FKTN: variants seen among roughly 807,000 people sequenced by gnomAD.
FKTN encodes ribitol-5-phosphate transferase FKTN.
FKTN carries 47 observed loss-of-function variants against 58.6 expected under a neutral mutation model. That is an observed-to-expected ratio of 0.80 (90% confidence interval 0.63 to 1.02). The LOEUF (loss-of-function observed/expected upper bound fraction) is 1.02. Ranked by LOEUF, FKTN falls within the 50% of genes least tolerant of loss-of-function variation. The pLI is 0.00. For missense variants in FKTN, 516 were observed against 537.3 expected, an observed-to-expected ratio of 0.96 and a Z score of 0.39; for synonymous variants, 178 against 191.9, an observed-to-expected ratio of 0.93 and a Z score of 0.60.
At chr9:105,586,180 A>G (rs1052348961) in intron 3 of FKTN, among the ~76,000 whole-genome samples, 4 of 152,220 alleles carry the variant, frequency 2.6e-5, no homozygotes, top group African/African-American at 9.6e-5. Flanking sequence ...GATCCTCCAA[A>G]TGGGATCTGA....
At chr9:105,579,683 C>T (rs1277580420) in intron 3 of FKTN, among the ~76,000 whole-genome samples, 47 of 143,724 alleles carry the variant, frequency 3.3e-4, no homozygotes, top group South Asian at 1.9e-3. Context: ...CTATTAGGTC[C>T]GCTTGGTGCA....
In FKTN at chr9:105,618,026, T is replaced by C. The variant is rs1018122957; in HGVS notation, c.978T>C (p.Asp326=). 1.9e-6 allele frequency: 3 copies of C among 1,603,490 alleles called. 1 individual carries two copies. The highest frequency in any genetic ancestry group is 1.7e-5 in the Admixed American group (1 of 59,998). Residue 326 remains aspartate, a synonymous_variant, in exon 9 of 11, where the codon GAT becomes GAC. Coordinates refer to ENST00000357998, the MANE Select transcript of FKTN (RefSeq NM_001079802.2). The part of the protein sequence containing the change: ...KDVDLGIFIQ[D]YKSDIILAFQ... ...TTGACCTAGGAATTTTTATACAAGATTACAAATCTGATATTATTTTAGCAT... is the reference window on the plus strand; with the variant it reads ...TTGACCTAGGAATTTTTATACAAGACTACAAATCTGATATTATTTTAGCAT...
chr9:105,624,537 G>A (rs372460994), intron 10 of FKTN: 1 of 151,094 alleles, frequency 6.6e-6, no homozygotes, highest in Admixed American at 6.6e-5. Context: ...AGGCTGAGAC[G>A]GTAGGATCAC....
intron 5 of FKTN, 136 bp downstream of exon 5, chr9:105,601,484 A>G: frequency 1.5e-6 from 1 of 652,552 alleles, no homozygotes; most frequent in Non-Finnish European, 2.7e-6. Flanking sequence ...ATTTTCAGCT[A>G]TAAATAACAA....
At position 105,635,348 on chromosome 9, in the gene FKTN, A is replaced by G. The variant is rs1307082911; in HGVS notation, c.*84A>G. Reference sequence around the variant, plus strand: ...AAAAATACATGTCTATTTGTCAAACATAAGTGGGAACCAAAGAAAAAATGT... The same window carrying G: ...AAAAATACATGTCTATTTGTCAAACGTAAGTGGGAACCAAAGAAAAAATGT... On this transcript the variant is annotated 3_prime_UTR_variant, in exon 11 of 11. Transcript: ENST00000357998. 3.8e-6 allele frequency: 6 copies of G among 1,588,588 alleles called. No individual in the cohort carries two copies. The highest frequency in any genetic ancestry group is 2.7e-5 in the African/African-American group (2 of 74,292).
rs573141273 is a variant in FKTN at position 105,563,228 on chromosome 9, C to T, written c.-181+5063C>T. Among the ~76,000 whole-genome samples the T allele has an allele frequency of 5.0e-4, 76 of 152,286 alleles. 1 individual carries two copies. The South Asian group carries it at 0.012, about 23-fold the overall frequency. On this transcript the variant is annotated intron_variant, in intron 1 of 10. Transcript: ENST00000357998. The stretch of plus-strand genomic sequence containing the variant: ...AGTCTACAGCTCCCAGCGTGAGCGA[C>T]GCAGAAGACGGGTGATTTCTGCATT...
intron 10 of FKTN, among the ~76,000 whole-genome samples, chr9:105,631,187 A>G (rs1833392632): frequency 6.6e-6 from 1 of 152,180 alleles, no homozygotes; most frequent in South Asian, 2.1e-4. Context: ...GAATATAACA[A>G]AAACCTAGAG....
intron 10 of FKTN, 145 bp from the exon 11 acceptor site, chr9:105,634,906 A>G: frequency 1.3e-6 from 1 of 747,934 alleles, no homozygotes; most frequent in Non-Finnish European, 2.4e-6. Context: ...GATTCTGGAC[A>G]GTCAAAAATA....
At position 105,604,470 on chromosome 9, in the gene FKTN, C is replaced by G; in HGVS notation, c.625C>G (p.Arg209Gly). The change falls in exon 6 of 11, where the codon CGT becomes GGT. Residue 209 changes from arginine to glycine, a missense_variant. Transcript: ENST00000357998. ...FVPFRKLQFG[R>G]YPGAFDRPEL... ...TCCCTTCCGAAAGTTACAGTTTGGT[C>G]GTTATCCAGGAGCTTTTGACAGGTA... 6.2e-7 allele frequency: 1 copy of G among 1,613,888 alleles called. No homozygotes were observed. Among genetic ancestry groups the G allele is most frequent in the Non-Finnish European group, 8.5e-7 (1 of 1,179,912 alleles).
At chr9:105,578,864 T>A (rs1304841625) in intron 3 of FKTN, among the ~76,000 whole-genome samples, 2 of 152,112 alleles carry the variant, frequency 1.3e-5, no homozygotes, top group Non-Finnish European at 2.9e-5. Context: ...TATTGGTCTA[T>A]TCAGAGATTC....
intron 6 of FKTN, among the ~76,000 whole-genome samples, chr9:105,605,039 T>C (rs1828633232): frequency 6.6e-6 from 1 of 150,418 alleles, no homozygotes; most frequent in Non-Finnish European, 1.5e-5. Context: ...CAGGGAAAAA[T>C]AAACTAGGGG....
intron 3 of FKTN, among the ~76,000 whole-genome samples, chr9:105,587,095 G>A (rs1175390042): frequency 1.3e-5 from 2 of 152,282 alleles, no homozygotes; most frequent in East Asian, 3.9e-4. Context: ...TGATGCCTAT[G>A]TGGAGGGAAG....
At position 105,639,381 on chromosome 9, in the gene FKTN, T is replaced by C; in HGVS notation, c.*4117T>C. On this transcript the variant is annotated 3_prime_UTR_variant, in exon 11 of 11. Transcript: ENST00000357998. ...CTGAATTTGAATTTCAGCTTAATCA[T>C]GTGGGATTTATGGTGGGGGCCCTTT... is the stretch of plus-strand genomic sequence containing the variant. The C allele has an allele frequency of 1.2e-6, 1 of 806,598 alleles. No homozygotes were observed. The highest frequency in any genetic ancestry group is 1.5e-6 in the Non-Finnish European group (1 of 666,890). 50.0% of individuals were successfully genotyped at this position (806,598 alleles called of 1,614,324 possible).
intron 3 of FKTN, among the ~76,000 whole-genome samples, chr9:105,577,626 G>T (rs1841990089): frequency 6.7e-6 from 1 of 149,494 alleles, no homozygotes; most frequent in African/African-American, 2.5e-5. Flanking sequence ...TTGTTCTTTT[G>T]GCTTAGGATT....
chr9:105,617,787 C>T (rs1327357108), intron 8 of FKTN, among the ~76,000 whole-genome samples, 172 bp from the exon 9 acceptor site: 1 of 151,692 alleles, frequency 6.6e-6, no homozygotes, highest in Non-Finnish European at 1.5e-5. Context: ...CTCAAGAGGC[C>T]AAGGCAGGAG....
Position 105,567,142 on chromosome 9 carries a change from G to A in FKTN, c.-180-6513G>A, listed in dbSNP as rs149940860. 8.6e-3 allele frequency among the ~76,000 whole-genome samples: 1,304 copies of A among 152,204 alleles called. 13 individuals carry two copies. The highest frequency in any genetic ancestry group is 0.024 in the Middle Eastern group (7 of 294). On this transcript the variant is annotated intron_variant, in intron 1 of 10. Coordinates refer to ENST00000357998, the MANE Select transcript of FKTN (RefSeq NM_001079802.2). ...TCAATAAATTAGGTATTGATGGGAC[G>A]TATCTCAAAATAATAAGAGCCGTTT...
At chr9:105,617,633 A>G (rs1426166047) in intron 8 of FKTN, among the ~76,000 whole-genome samples, 1 of 152,198 alleles carries the variant, frequency 6.6e-6, no homozygotes, top group Non-Finnish European at 1.5e-5. Flanking sequence ...TCAGACAGTA[A>G]AAATAGATAC....
At chr9:105,618,245 G>A (rs988922505) in intron 9 of FKTN, among the ~76,000 whole-genome samples, 153 bp downstream of exon 9, 8 of 152,208 alleles carry the variant, frequency 5.3e-5, no homozygotes, top group Non-Finnish European at 1.0e-4. Flanking sequence ...GTTACCACTT[G>A]TAATTTCTGC....
chr9:105,567,497 A>G (rs538164639), intron 1 of FKTN, among the ~76,000 whole-genome samples: 1 of 152,316 alleles, frequency 6.6e-6, no homozygotes, highest in South Asian at 2.1e-4. Context: ...ATTCTTATAC[A>G]CCAAATAACA....
Sources: gnomAD v4.1 joint callset for allele counts (sites outside exome capture counted in the v4.1 genomes callset) on GRCh38, gnomAD v4.1.1 for gene constraint, MANE v1.5 for transcripts, NCBI Gene and HGNC (gene_info 2026-07-23, HGNC 2026-07-21) for gene names.